Variants in NELL1 observed in about 807,000 individuals in gnomAD.
NELL1 encodes the protein protein kinase C-binding protein NELL1.
A neutral mutation model predicts 107.4 loss-of-function variants in NELL1; 76 were observed. That is an observed-to-expected ratio of 0.71 (90% confidence interval 0.59 to 0.86). NELL1 has a LOEUF of 0.86. Among genes scored for constraint, NELL1 ranks in the 40% least tolerant of loss-of-function variants. The probability of loss-of-function intolerance (pLI) is 0.00; values close to 1 mark genes in which losing one functional copy is unlikely to be tolerated. For missense variants in NELL1, 1,024 were observed against 1,005.5 expected (o/e 1.02, Z -0.25); for synonymous variants, 353 against 341.2 (o/e 1.03, Z -0.38).
chr11:20,729,645 C>T (rs1042931220), intron 2 of NELL1, among the ~76,000 whole-genome samples: 1 of 152,118 alleles, frequency 6.6e-6, no homozygotes, highest in Non-Finnish European at 1.5e-5. Context: ...TTAATTCTAT[C>T]TCATCTTCAT....
At chr11:20,998,704 T>C (rs1852149213) in intron 12 of NELL1, among the ~76,000 whole-genome samples, 1 of 152,208 alleles carries the variant, frequency 6.6e-6, no homozygotes, top group African/African-American at 2.4e-5. Context: ...GTCTTCCATC[T>C]TCCTGCTGGT....
At chr11:21,374,706 C>CT (rs766292484) in intron 15 of NELL1, among the ~76,000 whole-genome samples, 16 of 152,166 alleles carry the variant, frequency 1.1e-4, no homozygotes, top group Non-Finnish European at 2.2e-4. Context: ...TTTTAAACTC[C>CT]TTGCTTTGGA....
Position 21,144,240 on chromosome 11 carries a change from C to CT in NELL1, c.1426+30527dup, listed in dbSNP as rs546107209. Among the ~76,000 whole-genome samples the CT allele has an allele frequency of 2.0e-3, 306 of 152,202 alleles. 1 individual carries two copies. The highest frequency in any genetic ancestry group is 6.6e-3 in the African/African-American group (275 of 41,528). On this transcript the variant is annotated intron_variant, in intron 13 of 19. Transcript: ENST00000357134. ...AGCCTCAGGTGGGCCAAGTGATGGG[C>CT]TGAGGGGATGATGCTATGGAACACC...
At chr11:21,259,390 A>G (rs539690251) in intron 14 of NELL1, among the ~76,000 whole-genome samples, 1 of 151,972 alleles carries the variant, frequency 6.6e-6, no homozygotes, top group South Asian at 2.1e-4. Context: ...GACAAGTGGG[A>G]CTTTGCCAAA....
chr11:21,047,713 G>A (rs1347385330), intron 12 of NELL1, among the ~76,000 whole-genome samples: 1 of 152,064 alleles, frequency 6.6e-6, no homozygotes, highest in Non-Finnish European at 1.5e-5. Context: ...TATAAAATGG[G>A]CCAGGAAATG....
At chr11:21,104,480 G>A (rs1367326800) in intron 12 of NELL1, among the ~76,000 whole-genome samples, 1 of 152,258 alleles carries the variant, frequency 6.6e-6, no homozygotes, top group South Asian at 2.1e-4. Flanking sequence ...AAATGACTTA[G>A]CATGAATTCC....
Position 20,894,376 on chromosome 11 carries a change from GT to G in NELL1, c.603+8837del, listed in dbSNP as rs1849681527. 2.0e-5 allele frequency among the ~76,000 whole-genome samples: 3 copies of G among 152,320 alleles called. No individual in the cohort carries two copies. The South Asian group carries it at 6.2e-4, about 32-fold the overall frequency. On this transcript the variant is annotated intron_variant, in intron 5 of 19. Coordinates refer to ENST00000357134, the MANE Select transcript of NELL1 (RefSeq NM_006157.5). Reference sequence around the variant, plus strand: ...ATAGGAGGAGCTATTCAAAGTAGTTGTGTCCCACAAAGGCCTTTTATCCAAG... The same window carrying G: ...ATAGGAGGAGCTATTCAAAGTAGTTGGTCCCACAAAGGCCTTTTATCCAAG...
intron 15 of NELL1, among the ~76,000 whole-genome samples, chr11:21,402,169 T>C (rs534654136): frequency 6.6e-6 from 1 of 151,910 alleles, no homozygotes; most frequent in African/African-American, 2.4e-5. Context: ...TGGTTTCGCA[T>C]CTAACTTTCC....
intron 3 of NELL1, among the ~76,000 whole-genome samples, chr11:20,847,343 T>C (rs1318127900): frequency 6.6e-6 from 1 of 152,178 alleles, no homozygotes; most frequent in East Asian, 1.9e-4. Context: ...AGCTGTGGCT[T>C]GTTACCTCAT....
intron 18 of NELL1, among the ~76,000 whole-genome samples, 191 bp downstream of exon 18, chr11:21,571,131 G>A (rs1280240342): frequency 6.6e-6 from 1 of 151,750 alleles, no homozygotes; most frequent in African/African-American, 2.4e-5. Context: ...AAAGTAAAAA[G>A]CACATATTTA....
At chr11:20,794,536 A>T (rs933080164) in intron 3 of NELL1, among the ~76,000 whole-genome samples, 1 of 152,194 alleles carries the variant, frequency 6.6e-6, no homozygotes, top group Non-Finnish European at 1.5e-5. Flanking sequence ...GCTGTGCAGG[A>T]TAGTGAAGGG....
At chr11:21,273,700 A>G (rs1848791023) in intron 14 of NELL1, among the ~76,000 whole-genome samples, 1 of 152,336 alleles carries the variant, frequency 6.6e-6, no homozygotes, top group Non-Finnish European at 1.5e-5. Flanking sequence ...CTAACAGCTG[A>G]TCTCTCGGCA....
At chr11:20,708,386 G>C (rs1188385341) in intron 2 of NELL1, among the ~76,000 whole-genome samples, 1 of 152,184 alleles carries the variant, frequency 6.6e-6, no homozygotes, top group Non-Finnish European at 1.5e-5. Flanking sequence ...GGGTACCGCA[G>C]TTGGAAATGC....
At chr11:21,523,383 A>G (rs1009765915) in intron 15 of NELL1, among the ~76,000 whole-genome samples, 4 of 152,056 alleles carry the variant, frequency 2.6e-5, no homozygotes, top group Non-Finnish European at 5.9e-5. Context: ...GTTTGGGTCT[A>G]CTATTTTGCA....
chr11:21,212,021 T>A lies in NELL1; in HGVS notation c.1427-17311T>A, dbSNP rs374545049. ...TTGTATTTTTAGTAGAGATGGGGTTTCACCATGTTGGCCAGGCTGGTCTCA... is the reference window on the plus strand; with the variant it reads ...TTGTATTTTTAGTAGAGATGGGGTTACACCATGTTGGCCAGGCTGGTCTCA... On this transcript the variant is annotated intron_variant, in intron 13 of 19. Transcript: ENST00000357134. 1.4e-3 allele frequency among the ~76,000 whole-genome samples: 212 copies of A among 152,244 alleles called. 4 individuals carry two copies. In the South Asian group the frequency reaches 0.043, roughly 31 times the overall value.
intron 13 of NELL1, among the ~76,000 whole-genome samples, chr11:21,176,692 T>G (rs571410689): frequency 6.6e-6 from 1 of 151,994 alleles, no homozygotes; most frequent in South Asian, 2.1e-4. Flanking sequence ...TTGCCTACGT[T>G]TGCGTCACAT....
At chr11:21,372,125 AAC>A (rs891802583) in intron 15 of NELL1, among the ~76,000 whole-genome samples, 3 of 152,038 alleles carry the variant, frequency 2.0e-5, no homozygotes, top group African/African-American at 7.2e-5. Context: ...TCTTAAAAAA[AAC>A]ATATGAAAGA....
chr11:20,683,286 C>T (rs1392122090), intron 2 of NELL1, among the ~76,000 whole-genome samples: 1 of 152,002 alleles, frequency 6.6e-6, no homozygotes, highest in Non-Finnish European at 1.5e-5. Context: ...ATCAATTATA[C>T]GTTTAACTCA....
chr11:21,503,227 A>T (rs1855191513), intron 15 of NELL1, among the ~76,000 whole-genome samples: 1 of 152,234 alleles, frequency 6.6e-6, no homozygotes, highest in Non-Finnish European at 1.5e-5. Context: ...GAACATACAC[A>T]GTAAATCTTG....
Sources: allele counts gnomAD v4.1 joint callset (sites outside exome capture counted in the v4.1 genomes callset), GRCh38; gene constraint gnomAD v4.1.1; transcripts MANE v1.5; gene names NCBI Gene and HGNC (gene_info 2026-07-23, HGNC 2026-07-21).